Variants in PTPRN observed in about 807,000 individuals in gnomAD.
PTPRN encodes receptor-type tyrosine-protein phosphatase-like N.
In PTPRN, 70 loss-of-function variants were observed where a neutral mutation model predicts 108.5. The observed-to-expected ratio is 0.65, with a 90% CI of 0.53 to 0.79. The LOEUF is 0.79. PTPRN is among the 30% of genes least tolerant of loss of function. The pLI is 0.00. For synonymous variants in PTPRN, 496 were observed against 524.6 expected (o/e 0.95, Z 0.75); for missense variants, 1,136 against 1,295.5 (o/e 0.88, Z 1.89).
chr2:219,304,592 C>T (rs1299373143), intron 3 of PTPRN, among the ~76,000 whole-genome samples: 1 of 152,180 alleles, frequency 6.6e-6, no homozygotes, highest in African/African-American at 2.4e-5. Context: ...GATTTAAAAT[C>T]TGTGCTGCTC....
chr2:219,300,858 T>C, intron 8 of PTPRN, 85 bp downstream of exon 8: 1 of 1,467,134 alleles, frequency 6.8e-7, no homozygotes. Flanking sequence ...ATACAGATTC[T>C]AGGTCCTGAA....
chr2:219,302,874 G>A (rs747644309), intron 4 of PTPRN, 37 bp from the exon 5 acceptor site: 1 of 1,597,658 alleles, frequency 6.3e-7, no homozygotes, highest in Non-Finnish European at 8.5e-7. Context: ...TTGGAGCGGG[G>A]GAAAGGGCAT....
intron 1 of PTPRN, 134 bp from the exon 2 acceptor site, chr2:219,307,976 G>A (rs1952526083): frequency 7.2e-6 from 6 of 838,328 alleles, no homozygotes; most frequent in Non-Finnish European, 1.2e-5. Flanking sequence ...GCTGGGAGGA[G>A]AGTAGGAATC....
intron 19 of PTPRN, among the ~76,000 whole-genome samples, chr2:219,293,282 G>A (rs1231673951): frequency 6.6e-6 from 1 of 152,128 alleles, no homozygotes; most frequent in Non-Finnish European, 1.5e-5. Context: ...CCAGGTTTAA[G>A]AGATTCTCCT....
intron 10 of PTPRN, 151 bp downstream of exon 10, chr2:219,299,549 G>T (rs150656993): frequency 2.6e-6 from 3 of 1,134,860 alleles, no homozygotes; most frequent in Non-Finnish European, 3.9e-6. Flanking sequence ...GGCCAGCAAC[G>T]GGCTGGGTGT....
rs757908552 is a variant in PTPRN at position 219,295,063 on chromosome 2, C to T, written c.2587G>A (p.Glu863Lys). The change falls in exon 19 of 23, where the codon GAG becomes AAG. Residue 863 changes from glutamate to lysine, a missense_variant. Coordinates refer to ENST00000295718, the MANE Select transcript of PTPRN (RefSeq NM_002846.4). ...SFYLKNVQTQ[E>K]TRTLTQFHFL... ...TGGAACTGCGTGAGCGTGCGCGTCT[C>T]CTGGGTCTGCACGTTCTTCAGGTAG... The T allele has an allele frequency of 2.7e-5, 44 of 1,613,500 alleles. No homozygotes were observed. The highest frequency in any genetic ancestry group is 8.9e-5 in the East Asian group (4 of 44,856).
In PTPRN at chr2:219,290,740, C is replaced by T; in HGVS notation, c.2794+86G>A. The T allele has an allele frequency of 1.3e-6, 2 of 1,527,776 alleles. No individual in the cohort carries two copies. The highest frequency in any genetic ancestry group is 1.8e-6 in the Non-Finnish European group (2 of 1,103,662). 94.6% of individuals were successfully genotyped at this position (1,527,776 alleles called of 1,614,324 possible). On this transcript the variant is annotated intron_variant, in intron 21 of 22. Coordinates refer to ENST00000295718, the MANE Select transcript of PTPRN (RefSeq NM_002846.4). The surrounding 1 kb of genome is among the most constrained non-coding windows in gnomAD (Gnocchi z 4.2). ...GCAGAGCCTGGAGGTTGACAACCTG[C>T]TCCTTCTGAGCTCCCAGGACCCTGT...
chr2:219,300,223 C>G lies in PTPRN; in HGVS notation c.1198G>C (p.Glu400Gln). ...EGPVEGRDTA[E>Q]LPARTSPMPG... ...ATGGGGGATGTGCGGGCTGGAAGCT[C>G]TGCTGTGTCTCTGCCCTCCACCGGC... The change falls in exon 9 of 23, where the codon GAG (glutamate) becomes CAG (glutamine). Residue 400 changes from glutamate (E) to glutamine (Q), a missense_variant. Glu to Gln is a conservative substitution (Grantham distance 29). Transcript: ENST00000295718. 6.3e-7 allele frequency: 1 copy of G among 1,594,362 alleles called. No individual in the cohort carries two copies. Among genetic ancestry groups the G allele is most frequent in the Non-Finnish European group, 8.6e-7 (1 of 1,168,998 alleles).
At chr2:219,293,654 AC>A (rs1952103283) in intron 19 of PTPRN, among the ~76,000 whole-genome samples, 1 of 152,174 alleles carries the variant, frequency 6.6e-6, no homozygotes, top group Non-Finnish European at 1.5e-5. Flanking sequence ...TAGCTCTGAT[AC>A]CCTGGCACTG....
At chr2:219,308,837 T>G (rs916138323) in intron 1 of PTPRN, 8 of 1,313,080 alleles carry the variant, frequency 6.1e-6, no homozygotes, top group Non-Finnish European at 6.0e-6. Flanking sequence ...GTTCCCTCAT[T>G]CTCCCCGCCA....
chr2:219,307,989 G>C, intron 1 of PTPRN, 147 bp from the exon 2 acceptor site: 4 of 733,084 alleles, frequency 5.5e-6, no homozygotes, highest in South Asian at 5.3e-5. Flanking sequence ...TAGGAATCAG[G>C]CCTGAATTTC....
Position 219,296,646 on chromosome 2 carries a change from CT to C in PTPRN, c.2310+102del, listed in dbSNP as rs1207997831. ...CTTGCTAGGATATCAGGCCCCACCA[CT>C]CCAGGGGGTTGGTGGGGTGGCAGGT... On this transcript the variant is annotated intron_variant, in intron 16 of 22. Coordinates refer to ENST00000295718, the MANE Select transcript of PTPRN (RefSeq NM_002846.4). This position sits in a 1 kb window ranked among gnomAD's most constrained non-coding sequence, Gnocchi z 6.0. 3.2e-6 allele frequency: 5 copies of C among 1,548,058 alleles called. No homozygotes were observed. The East Asian group carries it at 1.1e-4, about 35-fold the overall frequency.
rs1952519113 is a variant in PTPRN, at chr2:219,307,715, G to C, written c.166+77C>G. 2.3e-5 allele frequency: 35 copies of C among 1,553,630 alleles called. No homozygotes were observed. The South Asian group carries it at 3.7e-4, about 16-fold the overall frequency. ...AGCCCAGTAGCCCTCTTCCTTTCTG[G>C]GCCTTCTCTCCCCTTCTTGTTTTTT... On this transcript the variant is annotated intron_variant, in intron 2 of 22. Transcript: ENST00000295718.
In PTPRN at chr2:219,295,078, T is replaced by C. The variant is rs1377448614; in HGVS notation, c.2572A>G (p.Asn858Asp). ...GTGCGCGTCTCCTGGGTCTGCACGT[T>C]CTTCAGGTAGAAGCTCCGCACCAGA... ...DFLVRSFYLK[N>D]VQTQETRTLT... Residue 858 changes from asparagine to aspartate, a missense_variant, in exon 19 of 23, where the codon AAC becomes GAC. Coordinates refer to ENST00000295718, the MANE Select transcript of PTPRN (RefSeq NM_002846.4). 3 of 1,613,448 alleles carry C rather than the reference T, an allele frequency of 1.9e-6. No individual in the cohort carries two copies. Among genetic ancestry groups the C allele is most frequent in the African/African-American group, 2.7e-5 (2 of 74,874 alleles).
At position 219,295,009 on chromosome 2, in the gene PTPRN, G is replaced by C. The variant is rs1173758154; in HGVS notation, c.2641C>G (p.Pro881Ala). Reference protein sequence around the residue: ...HFLSWPAEGTPASTRPLLDFR... With the variant: ...HFLSWPAEGTAASTRPLLDFR... ...TCCAGCAGGGGCCGCGTGGAGGCCG[G>C]TGTGCCCTCTGCCGGCCAGCTGAGG... Residue 881 changes from proline (P) to alanine (A), a missense_variant, in exon 19 of 23, where the codon CCG becomes GCG. Pro to Ala is a conservative substitution (Grantham distance 27). Coordinates refer to ENST00000295718, the MANE Select transcript of PTPRN (RefSeq NM_002846.4). 6.2e-7 allele frequency: 1 copy of C among 1,607,722 alleles called. No individual in the cohort carries two copies. The highest frequency in any genetic ancestry group is 1.1e-5 in the South Asian group (1 of 89,980).
At position 219,297,361 on chromosome 2, in the gene PTPRN, C is replaced by G. The variant is rs200329490; in HGVS notation, c.1960G>C (p.Val654Leu). ...CTGAACTGGGAGGACACACTGCTCA[C>G]CCGTGAAGGCTCCGGTGGACCCTCT... Reference protein sequence around the residue: ...RAEGPPEPSRVSSVSSQFSDA... With the variant: ...RAEGPPEPSRLSSVSSQFSDA... The change falls in exon 14 of 23, where the codon GTG (valine) becomes CTG (leucine). Residue 654 changes from valine to leucine, a missense_variant. By Grantham distance (32) the Val-to-Leu change is conservative (BLOSUM62 1). Transcript: ENST00000295718. The surrounding 1 kb of genome is among the most constrained non-coding windows in gnomAD (Gnocchi z 6.0). 3.8e-5 allele frequency: 61 copies of G among 1,613,964 alleles called. No homozygotes were observed. The South Asian group carries it at 6.7e-4, about 18-fold the overall frequency.
At position 219,294,230 on chromosome 2, in the gene PTPRN, G is replaced by A. The variant is rs981749809; in HGVS notation, c.2675+745C>T. ...AGAGAGAAAGAGGGAAGAAGGGAGA[G>A]GGAAGGACAGAGAGAGGAAAGACAG... On this transcript the variant is annotated intron_variant, in intron 19 of 22. Coordinates refer to ENST00000295718, the MANE Select transcript of PTPRN (RefSeq NM_002846.4). 8.7e-6 allele frequency: 4 copies of A among 462,292 alleles called. No homozygotes were observed. In the East Asian group the frequency reaches 2.1e-4, roughly 24 times the overall value. 28.6% of individuals were successfully genotyped at this position (462,292 alleles called of 1,614,324 possible). A position where few individuals can be genotyped will look rare whatever the true frequency, so the allele number is the denominator to read the frequency against.
At position 219,302,629 on chromosome 2, in the gene PTPRN, G is replaced by A. The variant is rs746804617; in HGVS notation, c.586C>T (p.His196Tyr). 6 of 1,614,006 alleles carry A rather than the reference G, an allele frequency of 3.7e-6. No homozygotes were observed. Among genetic ancestry groups the A allele is most frequent in the Non-Finnish European group, 4.2e-6 (5 of 1,179,978 alleles). Reference sequence around the variant, plus strand: ...GCAGGTTCGTAACTCAGTGAAGGGTGGGGAGGCTGTGGGGGCAGCAGCAGG... The same window carrying A: ...GCAGGTTCGTAACTCAGTGAAGGGTAGGGAGGCTGTGGGGGCAGCAGCAGG... ...EHLLLPPQPPHPSLSYEPALL... is the reference protein window; with the variant it reads ...EHLLLPPQPPYPSLSYEPALL... Residue 196 changes from histidine (H) to tyrosine (Y), a missense_variant, in exon 5 of 23, where the codon CAC (histidine) becomes TAC (tyrosine). His to Tyr is a moderately conservative substitution (Grantham distance 83). Transcript: ENST00000295718.
Position 219,302,339 on chromosome 2 carries a change from A to C in PTPRN, c.792T>G (p.Leu264=), listed in dbSNP as rs1213311959. The C allele has an allele frequency of 1.2e-6, 2 of 1,613,732 alleles. No individual in the cohort carries two copies. The highest frequency in any genetic ancestry group is 3.3e-5 in the Admixed American group (2 of 59,960). The change falls in exon 6 of 23, where the codon CTT becomes CTG. Residue 264 remains leucine (L), a synonymous_variant. Transcript: ENST00000295718. ...AAAGCTGGGCAGGTGAAGGCCCTGG[A>C]AGGTCCCCGTAGGAGTGGCCAGGGT... ...GDHPGHSYGD[L]PGPSPAQLFQ... is the part of the protein sequence containing the mutation.
Sources: allele counts gnomAD v4.1 joint callset (sites outside exome capture counted in the v4.1 genomes callset), GRCh38; gene constraint gnomAD v4.1.1; non-coding constraint Gnocchi (gnomAD v3.1); transcripts MANE v1.5; gene names NCBI Gene and HGNC (gene_info 2026-07-23, HGNC 2026-07-21).